The following ARHGAP28 variants were observed in gnomAD, a reference collection of about 807,000 sequenced individuals.
ARHGAP28 encodes the protein rho GTPase-activating protein 28.
Under a neutral mutation model 90.7 loss-of-function variants are expected in ARHGAP28, and 56 were observed. The ratio of observed to expected loss-of-function variants is 0.62; its 90% CI spans 0.50 to 0.77. The LOEUF is 0.77. ARHGAP28 is among the 30% of genes least tolerant of loss of function. The pLI, the probability that ARHGAP28 is intolerant of heterozygous loss-of-function variation, is 0.00. For missense variants in ARHGAP28, 869 were observed against 900.9 expected (o/e 0.96, Z 0.45); for synonymous variants, 308 against 323.3 (o/e 0.95, Z 0.51).
chr18:6,873,770 C>G lies in ARHGAP28; in HGVS notation c.1207C>G (p.Gln403Glu). 6.2e-7 allele frequency: 1 copy of G among 1,613,098 alleles called. No homozygotes were observed. The change falls in exon 9 of 18, where the codon CAA becomes GAA. Residue 403 changes from glutamine to glutamate, a missense_variant. Physicochemically the swap from Gln to Glu is conservative, Grantham distance 29 (BLOSUM62 2). Transcript: ENST00000383472. The part of the protein sequence containing the change: ...DPGVKVPLVL[Q>E]KFFEKVEESG... ...TGGAGTGAAAGTTCCCCTGGTATTA[C>G]AAAAAGTGAGTAGCAGGCAAATGAA...
chr18:6,729,861 T>C lies in ARHGAP28; in HGVS notation c.40T>C (p.Tyr14His). 1.4e-6 allele frequency: 2 copies of C among 1,435,250 alleles called. No individual in the cohort carries two copies. Among genetic ancestry groups the C allele is most frequent in the Non-Finnish European group, 1.8e-6 (2 of 1,097,722 alleles). 88.9% of individuals were successfully genotyped at this position (1,435,250 alleles called of 1,614,324 possible). A position where few individuals can be genotyped will look rare whatever the true frequency, so the allele number is the denominator to read the frequency against. ...CTCGGGCGGCGTGGTGCTGACCGCC[T>C]ACCACTCGTACGCGCGCGCCCAGCC... Reference protein sequence around the residue: ...EDSGGVVLTAYHSYARAQPPN... With the variant: ...EDSGGVVLTAHHSYARAQPPN... The change falls in exon 1 of 18, where the codon TAC (tyrosine) becomes CAC (histidine). Residue 14 changes from tyrosine to histidine, a missense_variant. By Grantham distance (83) the Tyr-to-His change is moderately conservative. Transcript: ENST00000383472.
chr18:6,758,507 A>G (rs1337105742), intron 1 of ARHGAP28, among the ~76,000 whole-genome samples: 1 of 152,202 alleles, frequency 6.6e-6, no homozygotes, highest in Non-Finnish European at 1.5e-5. Context: ...TAATTTTAGC[A>G]GAGATGGGGT....
Position 6,890,493 on chromosome 18 carries a change from C to A in ARHGAP28, c.1798C>A (p.Gln600Lys). 1.2e-6 allele frequency: 2 copies of A among 1,613,486 alleles called. No homozygotes were observed. Among genetic ancestry groups the A allele is most frequent in the Non-Finnish European group, 1.7e-6 (2 of 1,179,746 alleles). The change falls in exon 14 of 18, where the codon CAG (glutamine) becomes AAG (lysine). Residue 600 changes from glutamine to lysine, a missense_variant. By Grantham distance (53) the Gln-to-Lys change is moderately conservative. Transcript: ENST00000383472. ...TGAAGCCACGATGCTATTGAAGAAG[C>A]AGCTCCCAAGTGTCAGGAAGCTGCT... The part of the protein sequence containing the change: ...MNEATMLLKK[Q>K]LPSVRKLLRR...
chr18:6,854,912 C>T (rs1164575218), intron 4 of ARHGAP28, among the ~76,000 whole-genome samples: 2 of 152,226 alleles, frequency 1.3e-5, no homozygotes, highest in East Asian at 1.9e-4. Context: ...AGTTGTGGCC[C>T]AGCCCGGGCG....
At chr18:6,891,758 T>C (rs897244058) in intron 14 of ARHGAP28, among the ~76,000 whole-genome samples, 1 of 152,070 alleles carries the variant, frequency 6.6e-6, no homozygotes, top group Non-Finnish European at 1.5e-5. Context: ...TGGCTAACTT[T>C]TTAAAAAAAA....
intron 3 of ARHGAP28, among the ~76,000 whole-genome samples, chr18:6,849,244 C>A (rs1318693418): frequency 3.3e-5 from 4 of 122,948 alleles, no homozygotes; most frequent in African/African-American, 1.3e-4. Context: ...GGTGACAAGA[C>A]CTTGTCTCAA....
chr18:6,898,328 T>C, intron 16 of ARHGAP28: 3 of 573,780 alleles, frequency 5.2e-6, no homozygotes, highest in Non-Finnish European at 6.0e-6. Flanking sequence ...ATATGATGTG[T>C]TCACTTTGTG....
chr18:6,819,899 C>T (rs936937744), intron 1 of ARHGAP28, among the ~76,000 whole-genome samples: 2 of 152,192 alleles, frequency 1.3e-5, no homozygotes, highest in African/African-American at 4.8e-5. Flanking sequence ...TTGACATGCT[C>T]TGCCTCTCAC....
At chr18:6,805,021 T>A (rs143808004) in intron 1 of ARHGAP28, among the ~76,000 whole-genome samples, 386 of 152,334 alleles carry the variant, frequency 2.5e-3, no homozygotes, top group Middle Eastern at 6.8e-3. Flanking sequence ...GACATGGCCT[T>A]GCTATGTTGC....
chr18:6,803,313 T>C (rs1178122413), intron 1 of ARHGAP28, among the ~76,000 whole-genome samples: 1 of 152,226 alleles, frequency 6.6e-6, no homozygotes, highest in Non-Finnish European at 1.5e-5. Context: ...TTTTGTCAAG[T>C]ACTTTTTTCC....
chr18:6,831,823 C>T (rs529077051), intron 2 of ARHGAP28, among the ~76,000 whole-genome samples: 19 of 152,126 alleles, frequency 1.2e-4, no homozygotes, highest in Admixed American at 2.6e-4. Context: ...TTACAGGGAA[C>T]GGGTTCAGTA....
intron 1 of ARHGAP28, 114 bp downstream of exon 1, chr18:6,730,057 A>C: frequency 2.7e-6 from 3 of 1,110,736 alleles, no homozygotes; most frequent in Non-Finnish European, 3.5e-6. Context: ...TGTTGTTTCA[A>C]GTTTTGGTGG....
chr18:6,745,945 C>T (rs559149727), intron 1 of ARHGAP28, among the ~76,000 whole-genome samples: 1 of 152,210 alleles, frequency 6.6e-6, no homozygotes, highest in Admixed American at 6.5e-5. Context: ...GTGAGAAAAC[C>T]GAACTCAAGA....
intron 13 of ARHGAP28, 140 bp downstream of exon 13, chr18:6,890,225 C>T (rs2057254099): frequency 1.0e-6 from 1 of 958,064 alleles, no homozygotes; most frequent in Non-Finnish European, 1.6e-6. Flanking sequence ...CAGCCTTACA[C>T]CTTCTGGAAG....
At chr18:6,770,870 AGTC>A (rs2056237297) in intron 1 of ARHGAP28, among the ~76,000 whole-genome samples, 2 of 152,140 alleles carry the variant, frequency 1.3e-5, no homozygotes, top group Non-Finnish European at 2.9e-5. Flanking sequence ...TGTGAAAGTC[AGTC>A]AGTTTTGTTT....
chr18:6,849,172 C>T (rs2056889660), intron 3 of ARHGAP28, among the ~76,000 whole-genome samples: 1 of 150,456 alleles, frequency 6.6e-6, no homozygotes, highest in South Asian at 2.1e-4. Flanking sequence ...ACGGGAGGAT[C>T]CCTTGAGCCC....
chr18:6,897,035 C>T (rs531332534), intron 16 of ARHGAP28: 1 of 160,124 alleles, frequency 6.2e-6, no homozygotes, highest in Non-Finnish European at 1.4e-5. Flanking sequence ...GCCTCAGCCT[C>T]CTGGGTAGCT....
chr18:6,879,844 C>T (rs1413505371), intron 10 of ARHGAP28, among the ~76,000 whole-genome samples: 1 of 152,134 alleles, frequency 6.6e-6, no homozygotes, highest in East Asian at 1.9e-4. Context: ...TTCCATTGTA[C>T]ATTGAGAAGC....
At chr18:6,824,476 G>C (rs1292621920) in intron 1 of ARHGAP28, among the ~76,000 whole-genome samples, 1 of 152,094 alleles carries the variant, frequency 6.6e-6, no homozygotes, top group African/African-American at 2.4e-5. Flanking sequence ...GGTGGAGGTT[G>C]CAGTGAGCCG....
Sources: allele counts gnomAD v4.1 joint callset (sites outside exome capture counted in the v4.1 genomes callset), GRCh38; gene constraint gnomAD v4.1.1; transcripts MANE v1.5; gene names NCBI Gene and HGNC (gene_info 2026-07-23, HGNC 2026-07-21).